Variants in ATF2 observed in about 807,000 individuals in gnomAD.
ATF2 encodes activating transcription factor 2.
A neutral mutation model predicts 60.6 loss-of-function variants in ATF2; 24 were observed. That is an observed-to-expected ratio of 0.40 (90% confidence interval 0.29 to 0.56). The LOEUF is 0.56. Ranked by LOEUF, ATF2 falls within the 20% of genes least tolerant of loss-of-function variation. The pLI, the probability that ATF2 is intolerant of heterozygous loss-of-function variation, is 0.54. For synonymous variants in ATF2, 206 were observed against 215.4 expected, an observed-to-expected ratio of 0.96 and a Z score of 0.38; for missense variants, 433 against 607.7, an observed-to-expected ratio of 0.71 and a Z score of 3.02.
intron 2 of ATF2, among the ~76,000 whole-genome samples, chr2:175,140,061 G>C (rs1181710615): frequency 6.6e-6 from 1 of 152,044 alleles, no homozygotes; most frequent in African/African-American, 2.4e-5. Context: ...AGGAAATCAG[G>C]AATAAATTTA....
intron 3 of ATF2, among the ~76,000 whole-genome samples, chr2:175,131,220 T>C (rs2105750117): frequency 6.6e-6 from 1 of 152,376 alleles, no homozygotes; most frequent in East Asian, 1.9e-4. Context: ...GATATTGCAC[T>C]GGTAGGTGCA....
chr2:175,077,132 A>G (rs1693382820), intron 13 of ATF2, among the ~76,000 whole-genome samples: 1 of 151,918 alleles, frequency 6.6e-6, no homozygotes, highest in Non-Finnish European at 1.5e-5. Flanking sequence ...TGAACTCATC[A>G]TTTTTTATGG....
At chr2:175,084,367 A>G (rs1693991701) in intron 12 of ATF2, among the ~76,000 whole-genome samples, 1 of 151,930 alleles carries the variant, frequency 6.6e-6, no homozygotes, top group Non-Finnish European at 1.5e-5. Context: ...AATGCAAATC[A>G]TCATTCTCCG....
At chr2:175,135,329 A>G (rs1698062855) in intron 3 of ATF2, among the ~76,000 whole-genome samples, 1 of 152,198 alleles carries the variant, frequency 6.6e-6, no homozygotes, top group Admixed American at 6.5e-5. Context: ...GAATGTCAAA[A>G]GTCGAAAGTG....
chr2:175,138,831 T>A (rs769470906), intron 2 of ATF2, among the ~76,000 whole-genome samples: 1 of 152,236 alleles, frequency 6.6e-6, no homozygotes, highest in African/African-American at 2.4e-5. Flanking sequence ...ATCTATTATA[T>A]AATCTGTGTG....
intron 7 of ATF2, among the ~76,000 whole-genome samples, chr2:175,115,914 C>T (rs543213800): frequency 1.9e-4 from 29 of 151,986 alleles, no homozygotes; most frequent in Middle Eastern, 3.2e-3. Flanking sequence ...AAACAGCATT[C>T]GAACTGATGA....
intron 2 of ATF2, among the ~76,000 whole-genome samples, chr2:175,144,045 C>T (rs1315931687): frequency 6.6e-6 from 1 of 152,134 alleles, no homozygotes; most frequent in Admixed American, 6.5e-5. Context: ...CCTCCTGCCT[C>T]AGCCTCTCAA....
chr2:175,113,854 A>G, intron 9 of ATF2, 140 bp downstream of exon 9: 1 of 787,170 alleles, frequency 1.3e-6, no homozygotes, highest in South Asian at 1.6e-5. Flanking sequence ...TGCTATTACA[A>G]TGATAACAAA....
At chr2:175,140,422 A>T (rs1385151148) in intron 2 of ATF2, among the ~76,000 whole-genome samples, 1 of 152,176 alleles carries the variant, frequency 6.6e-6, no homozygotes, top group Non-Finnish European at 1.5e-5. Context: ...TTTATATAAA[A>T]TTCTAGAAAA....
intron 1 of ATF2, among the ~76,000 whole-genome samples, chr2:175,162,785 T>C (rs1236869457): frequency 6.6e-6 from 1 of 152,138 alleles, no homozygotes; most frequent in East Asian, 1.9e-4. Context: ...ACACAATTAT[T>C]TGTTAGTATG....
At chr2:175,140,999 G>GAAAA (rs869208203) in intron 2 of ATF2, among the ~76,000 whole-genome samples, 3 of 26,770 alleles carry the variant, frequency 1.1e-4, no homozygotes, top group Non-Finnish European at 1.9e-4. Context: ...CCTATCTCAG[G>GAAAA]AAAAAAAAAA....
intron 10 of ATF2, among the ~76,000 whole-genome samples, chr2:175,105,792 A>G (rs1695614441): frequency 6.6e-6 from 1 of 152,210 alleles, no homozygotes; most frequent in African/African-American, 2.4e-5. Flanking sequence ...AAAGATGGTA[A>G]GTTCCCAAAC....
chr2:175,141,752 C>T (rs541174885), intron 2 of ATF2, among the ~76,000 whole-genome samples: 2 of 152,166 alleles, frequency 1.3e-5, no homozygotes, highest in South Asian at 2.1e-4. Context: ...CTTGGCCTCC[C>T]GAAGTGCTGG....
At chr2:175,139,656 T>G (rs1335745645) in intron 2 of ATF2, among the ~76,000 whole-genome samples, 11 of 135,474 alleles carry the variant, frequency 8.1e-5, no homozygotes, top group Non-Finnish European at 1.5e-4. Context: ...AGAGTGAGAC[T>G]CCATCTCAAA....
intron 1 of ATF2, among the ~76,000 whole-genome samples, chr2:175,165,756 GC>G (rs1379242609): frequency 1.3e-5 from 2 of 152,082 alleles, no homozygotes; most frequent in African/African-American, 4.8e-5. Flanking sequence ...TGCAACCTCC[GC>G]CTCCCAGGTT....
chr2:175,103,527 A>G (rs550154501), intron 10 of ATF2, among the ~76,000 whole-genome samples: 4 of 152,242 alleles, frequency 2.6e-5, no homozygotes, highest in African/African-American at 7.2e-5. Context: ...TCTGCTGAAC[A>G]TGAGGTTCCA....
At chr2:175,112,612 TCTTA>T (rs1378775324) in intron 9 of ATF2, among the ~76,000 whole-genome samples, 14 of 152,328 alleles carry the variant, frequency 9.2e-5, no homozygotes, top group Middle Eastern at 3.4e-3. Flanking sequence ...TGAGACAAGG[TCTTA>T]CTTTGTTGCC....
chr2:175,075,650 T>C (rs535294993), intron 13 of ATF2, among the ~76,000 whole-genome samples: 1 of 152,270 alleles, frequency 6.6e-6, no homozygotes, highest in African/African-American at 2.4e-5. Flanking sequence ...ATAGTATATG[T>C]AAGTTATGAG....
intron 10 of ATF2, 111 bp downstream of exon 10, chr2:175,111,457 C>T (rs977909147): frequency 3.8e-5 from 38 of 1,009,772 alleles, no homozygotes; most frequent in Non-Finnish European, 5.0e-5. Context: ...TAAAACAGTC[C>T]GTAACTTTAT....
Sources: allele counts gnomAD v4.1 joint callset (sites outside exome capture counted in the v4.1 genomes callset), GRCh38; gene constraint gnomAD v4.1.1; transcripts MANE v1.5; gene names NCBI Gene and HGNC (gene_info 2026-07-23, HGNC 2026-07-21).